The following ST6GAL1 variants were observed in gnomAD, a reference collection of about 807,000 sequenced individuals.
The protein encoded by ST6GAL1 is beta-galactoside alpha-2,6-sialyltransferase 1.
In ST6GAL1, 20 loss-of-function variants were observed where a neutral mutation model predicts 38.0. The ratio of observed to expected loss-of-function variants is 0.53; its 90% CI spans 0.37 to 0.77. The LOEUF (loss-of-function observed/expected upper bound fraction) is 0.77, where lower values mean the gene tolerates loss of function less well. Among genes scored for constraint, ST6GAL1 ranks in the 30% least tolerant of loss-of-function variants. The pLI is 0.00. For synonymous variants in ST6GAL1, 196 were observed against 188.2 expected (o/e 1.04, Z -0.34); for missense variants, 432 against 496.4 (o/e 0.87, Z 1.23).
At chr3:186,963,486 G>C (rs1714998565) in intron 1 of ST6GAL1, among the ~76,000 whole-genome samples, 2 of 152,206 alleles carry the variant, frequency 1.3e-5, no homozygotes, top group Non-Finnish European at 2.9e-5. Flanking sequence ...CTAAACACGA[G>C]ACTTGGGCCC....
chr3:187,019,561 C>T (rs1717227117), intron 2 of ST6GAL1, among the ~76,000 whole-genome samples: 1 of 152,190 alleles, frequency 6.6e-6, no homozygotes, highest in Non-Finnish European at 1.5e-5. Flanking sequence ...GCAGAAGGAG[C>T]AAACTTCTTG....
At chr3:187,007,461 C>G (rs1716820591) in intron 2 of ST6GAL1, among the ~76,000 whole-genome samples, 1 of 152,116 alleles carries the variant, frequency 6.6e-6, no homozygotes. Flanking sequence ...AATGGCATAC[C>G]AAAAGCTTTG....
chr3:186,981,357 AT>A (rs1347093339), intron 2 of ST6GAL1, among the ~76,000 whole-genome samples: 7 of 152,240 alleles, frequency 4.6e-5, no homozygotes, highest in Middle Eastern at 6.8e-3. Flanking sequence ...ATTGATTTGG[AT>A]TTTGGTTTGC....
chr3:186,959,796 A>G (rs542953355), intron 1 of ST6GAL1, among the ~76,000 whole-genome samples: 2 of 152,400 alleles, frequency 1.3e-5, no homozygotes, highest in South Asian at 4.1e-4. Context: ...ACAAGGATCA[A>G]TAAAAGCTCT....
At chr3:187,066,218 A>C (rs548930808) in intron 5 of ST6GAL1, among the ~76,000 whole-genome samples, 1 of 152,330 alleles carries the variant, frequency 6.6e-6, no homozygotes, top group African/African-American at 2.4e-5. Context: ...GATGGCAATC[A>C]TGAGTTCTGG....
At chr3:187,052,124 A>G (rs1368896163) in intron 5 of ST6GAL1, among the ~76,000 whole-genome samples, 1 of 152,078 alleles carries the variant, frequency 6.6e-6, no homozygotes, top group East Asian at 1.9e-4. Context: ...CCTGGAACAG[A>G]TCAGAAATGC....
intron 2 of ST6GAL1, among the ~76,000 whole-genome samples, chr3:186,998,099 G>T (rs3868902): frequency 0.33 from 50,340 of 151,976 alleles, 8,449 homozygotes; most frequent in African/African-American, 0.38. Flanking sequence ...AAATTTAATT[G>T]TTTAAAAAAT....
intron 2 of ST6GAL1, among the ~76,000 whole-genome samples, chr3:187,032,793 T>G (rs912453271): frequency 6.6e-6 from 1 of 152,210 alleles, no homozygotes; most frequent in South Asian, 2.1e-4. Flanking sequence ...CCAAATGTTT[T>G]GACACAGGGC....
At chr3:186,970,539 A>G (rs921847158) in intron 2 of ST6GAL1, among the ~76,000 whole-genome samples, 4 of 152,134 alleles carry the variant, frequency 2.6e-5, no homozygotes, top group African/African-American at 4.8e-5. Flanking sequence ...GAACTATTTT[A>G]TCATCAAAAA....
intron 4 of ST6GAL1, among the ~76,000 whole-genome samples, chr3:187,046,758 GC>G (rs1276297690): frequency 6.6e-6 from 1 of 152,188 alleles, no homozygotes; most frequent in Non-Finnish European, 1.5e-5. Flanking sequence ...GGGTCAGCAA[GC>G]TTTTCTTAAA....
chr3:186,967,158 C>T (rs112037626), intron 2 of ST6GAL1, among the ~76,000 whole-genome samples: 2 of 152,164 alleles, frequency 1.3e-5, no homozygotes, highest in South Asian at 4.1e-4. Flanking sequence ...GCTGTGTGTC[C>T]AGGGTTTCCA....
In ST6GAL1 at chr3:186,963,885, C is replaced by T. The variant is rs1261985490; in HGVS notation, c.-224C>T. On this transcript the variant is annotated 5_prime_UTR_variant, in exon 2 of 8. Coordinates refer to ENST00000169298, the MANE Select transcript of ST6GAL1 (RefSeq NM_173216.2). The stretch of plus-strand genomic sequence containing the variant: ...CTGAAATGGACTGGCCCCCTTGAGC[C>T]TGTCCCAAGCCCTGGTGCCAGGTGT... 1 of 152,438 alleles carries T rather than the reference C, an allele frequency of 6.6e-6. No homozygotes were observed. The highest frequency in any genetic ancestry group is 1.5e-5 in the Non-Finnish European group (1 of 68,196). 9.4% of individuals were successfully genotyped at this position (152,438 alleles called of 1,614,324 possible).
chr3:186,952,590 C>T lies in ST6GAL1; in HGVS notation c.-324-11195C>T, dbSNP rs778808990. ...CGCGATCTCAGCTCACTGCAACCTC[C>T]GCCTCCCGGGTTCAAGCGCTTCTCT... On this transcript the variant is annotated intron_variant, in intron 1 of 7. Transcript: ENST00000169298. This position sits in a 1 kb window ranked among gnomAD's most constrained non-coding sequence, Gnocchi z 4.1. 3.9e-5 allele frequency among the ~76,000 whole-genome samples: 6 copies of T among 152,018 alleles called. No individual in the cohort carries two copies. The highest frequency in any genetic ancestry group is 8.8e-5 in the Non-Finnish European group (6 of 67,992).
chr3:187,071,497 C>T (rs1016658130), intron 5 of ST6GAL1, among the ~76,000 whole-genome samples: 1 of 151,976 alleles, frequency 6.6e-6, no homozygotes, highest in African/African-American at 2.4e-5. Flanking sequence ...TGCCTGTAAT[C>T]CCAGCACTTT....
chr3:187,026,186 C>T lies in ST6GAL1; in HGVS notation c.-182-12556C>T, dbSNP rs1049587417. Among the ~76,000 whole-genome samples the T allele has an allele frequency of 1.2e-4, 19 of 152,212 alleles. No individual in the cohort carries two copies. The East Asian group carries it at 1.9e-3, about 15-fold the overall frequency. Reference sequence around the variant, plus strand: ...CATATCATGCTTCTGACCTTTGCTGCGCTTTTGAGCAAAACGGTGACTTGT... The same window carrying T: ...CATATCATGCTTCTGACCTTTGCTGTGCTTTTGAGCAAAACGGTGACTTGT... On this transcript the variant is annotated intron_variant, in intron 2 of 7. Transcript: ENST00000169298.
intron 1 of ST6GAL1, among the ~76,000 whole-genome samples, chr3:186,958,552 G>T (rs779602533): frequency 9.9e-5 from 15 of 152,056 alleles, no homozygotes; most frequent in Non-Finnish European, 1.8e-4. Context: ...TTGAAAGACA[G>T]AATTAGGGAT....
At chr3:186,939,068 CT>C (rs59211382) in intron 1 of ST6GAL1, among the ~76,000 whole-genome samples, 2,076 of 135,528 alleles carry the variant, frequency 0.015, 38 homozygotes, top group African/African-American at 0.048. Flanking sequence ...AACCTGGGAC[CT>C]TTTTTTTTTT....
At chr3:187,005,060 GT>G (rs59111563) in intron 2 of ST6GAL1, among the ~76,000 whole-genome samples, 72 of 148,894 alleles carry the variant, frequency 4.8e-4, no homozygotes, top group African/African-American at 1.3e-3. Context: ...TGGTATTGCA[GT>G]TTTTTTTTTA....
chr3:187,068,490 C>T (rs746313003), intron 5 of ST6GAL1, among the ~76,000 whole-genome samples: 13 of 152,204 alleles, frequency 8.5e-5, no homozygotes, highest in Non-Finnish European at 1.6e-4. Context: ...CATATTAACA[C>T]TTACTTCCTA....
Sources: gnomAD v4.1 joint callset for allele counts (sites outside exome capture counted in the v4.1 genomes callset) on GRCh38, gnomAD v4.1.1 for gene constraint, Gnocchi (gnomAD v3.1) non-coding constraint, MANE v1.5 for transcripts, NCBI Gene and HGNC (gene_info 2026-07-23, HGNC 2026-07-21) for gene names.